Variants in OAS1 observed in about 807,000 individuals in gnomAD.
The protein encoded by OAS1 is 2'-5'-oligoadenylate synthetase 1.
Under a neutral mutation model 38.5 loss-of-function variants are expected in OAS1, and 24 were observed. The observed-to-expected ratio is 0.62, with a 90% confidence interval of 0.45 to 0.88. OAS1 has a LOEUF of 0.88. OAS1 is among the 40% of genes least tolerant of loss of function. The pLI is 0.00. For missense variants in OAS1, 482 were observed against 493.9 expected, an observed-to-expected ratio of 0.98 and a Z score of 0.23; for synonymous variants, 169 against 193.9, an observed-to-expected ratio of 0.87 and a Z score of 1.07.
Position 112,925,740 on chromosome 12 carries a change from C to T in OAS1, c.1167+6125C>T, listed in dbSNP as rs902377421. Among the ~76,000 whole-genome samples, 3 of 152,170 alleles carry T rather than the reference C, an allele frequency of 2.0e-5. No individual in the cohort carries two copies. The South Asian group carries it at 6.2e-4, about 32-fold the overall frequency. ...AGTCAAGGCTGCAGTGAGCCATGAT[C>T]AAGCCGCTGCACTCCAGCCTGGGCA... On this transcript the variant is annotated intron_variant, in intron 6 of 6. Coordinates refer to the OAS1 transcript ENST00000540589.
At chr12:112,929,077 C>T (rs7135579) in intron 6 of OAS1, among the ~76,000 whole-genome samples, 10,067 of 152,298 alleles carry the variant, frequency 0.066, 461 homozygotes, top group Non-Finnish European at 0.11. Context: ...CTCTTTGCTG[C>T]CAGAGGGCCC....
chr12:112,930,821 G>C (rs1205316716), intron 6 of OAS1, among the ~76,000 whole-genome samples: 1 of 152,208 alleles, frequency 6.6e-6, no homozygotes. Flanking sequence ...ACGCTCCCCT[G>C]GGGGTGTCCC....
chr12:112,919,889 A>G lies in OAS1; in HGVS notation c.*336A>G, dbSNP rs1358750684. 11 of 707,798 alleles carry G rather than the reference A, an allele frequency of 1.6e-5. No individual in the cohort carries two copies. Among genetic ancestry groups the G allele is most frequent in the Non-Finnish European group, 2.2e-6 (1 of 449,556 alleles). The allele number at this position is 707,798 out of a possible 1,614,324, so 43.8% of individuals were successfully genotyped here. On this transcript the variant is annotated 3_prime_UTR_variant, in exon 6 of 6. Transcript: ENST00000202917. ...TAATGTATTATCAATAACAATAAAA[A>G]TAAAGCAAATACCATTTATTGGGTG...
downstream of OAS1, among the ~76,000 whole-genome samples, chr12:112,924,797 G>GA (rs527392783): frequency 4.2e-4 from 63 of 148,754 alleles, 1 homozygote; most frequent in South Asian, 6.5e-3. Context: ...TTCTTGCACA[G>GA]AAAAAAAAAA....
At chr12:112,919,908 T>A (rs2043518681), downstream of OAS1, 1 of 628,300 alleles carries the variant, frequency 1.6e-6, no homozygotes, top group East Asian at 3.0e-5. Flanking sequence ...ATACCATTTA[T>A]TGGGTGTTTA....
downstream of OAS1, among the ~76,000 whole-genome samples, chr12:112,923,747 T>C (rs567090498): frequency 6.6e-6 from 1 of 152,340 alleles, no homozygotes; most frequent in African/African-American, 2.4e-5. Flanking sequence ...TTTGCTTTTG[T>C]TGCCTGTGCT....
At chr12:112,918,523 G>A in intron 5 of OAS1, 1 of 381,084 alleles carries the variant, frequency 2.6e-6, no homozygotes, top group Non-Finnish European at 5.4e-6. Context: ...GGATTGCTGG[G>A]TTGAATGGAC....
chr12:112,932,896 A>C (rs914901389), downstream of OAS1: 2 of 152,238 alleles, frequency 1.3e-5, no homozygotes, highest in African/African-American at 4.8e-5. Context: ...CTCCACAGGC[A>C]CACATTCCAC....
At chr12:112,926,447 G>C (rs1287316427) in intron 6 of OAS1, among the ~76,000 whole-genome samples, 1 of 152,184 alleles carries the variant, frequency 6.6e-6, no homozygotes, top group East Asian at 1.9e-4. Context: ...AAGGGAAAGA[G>C]TACAAAAGAG....
chr12:112,909,050 C>T, intron 2 of OAS1: 1 of 478,752 alleles, frequency 2.1e-6, no homozygotes, highest in South Asian at 5.4e-5. Flanking sequence ...TACAGAACAT[C>T]TGCAAGGCTT....
chr12:112,917,531 A>C lies in OAS1; in HGVS notation c.885-16A>C, dbSNP rs764040634. The C allele has an allele frequency of 6.2e-7, 1 of 1,613,770 alleles. No individual in the cohort carries two copies. The highest frequency in any genetic ancestry group is 1.1e-5 in the South Asian group (1 of 91,050). On this transcript the variant is annotated splice_polypyrimidine_tract_variant and intron_variant, in intron 4 of 5. Coordinates refer to ENST00000202917, the MANE Select transcript of OAS1 (RefSeq NM_016816.4). ...CCCAGCTTCTCACCTGTCCCTCTCTAAATGCTGCTCTGCAGGCCTGTGATC... is the reference window on the plus strand; with the variant it reads ...CCCAGCTTCTCACCTGTCCCTCTCTCAATGCTGCTCTGCAGGCCTGTGATC...
chr12:112,925,192 T>G (rs4766664), intron 6 of OAS1, among the ~76,000 whole-genome samples: 113,104 of 152,104 alleles, frequency 0.74, 43,358 homozygotes, highest in African/African-American at 0.94. Flanking sequence ...GGGTGAACTC[T>G]GCACGCTCAG....
At position 112,911,169 on chromosome 12, in the gene OAS1, C is replaced by A. The variant is rs1324072019; in HGVS notation, c.588C>A (p.Asp196Glu). 1 of 1,613,936 alleles carries A rather than the reference C, an allele frequency of 6.2e-7. No homozygotes were observed. Among genetic ancestry groups the A allele is most frequent in the African/African-American group, 1.3e-5 (1 of 74,864 alleles). Residue 196 changes from aspartate to glutamate, a missense_variant, in exon 3 of 6, where the codon GAC becomes GAA. Physicochemically the swap from Asp to Glu is conservative, Grantham distance 45. Transcript: ENST00000202917. ...CCTGCTTCACAGAACTACAGAGAGACTTCCTGAAGCAGCGCCCCACCAAGC... is the reference window on the plus strand; with the variant it reads ...CCTGCTTCACAGAACTACAGAGAGAATTCCTGAAGCAGCGCCCCACCAAGC... ...FSTCFTELQR[D>E]FLKQRPTKLK... is the part of the protein sequence containing the mutation.
chr12:112,921,756 G>C (rs529130992), downstream of OAS1, among the ~76,000 whole-genome samples: 1 of 152,112 alleles, frequency 6.6e-6, no homozygotes, highest in Non-Finnish European at 1.5e-5. Flanking sequence ...TTAATAAAAG[G>C]GTGCTAATTT....
intron 1 of OAS1, chr12:112,907,808 A>G (rs2043316937): frequency 6.6e-6 from 1 of 152,476 alleles, no homozygotes. Context: ...GCTTGGAGCA[A>G]AAGTTCAGTA....
intron 6 of OAS1, among the ~76,000 whole-genome samples, chr12:112,930,841 C>T (rs1565969450): frequency 6.6e-6 from 1 of 152,264 alleles, no homozygotes; most frequent in African/African-American, 2.4e-5. Flanking sequence ...CACACCCTGA[C>T]GTCACACATT....
chr12:112,908,936 A>C, intron 2 of OAS1, 112 bp downstream of exon 2: 2 of 1,170,928 alleles, frequency 1.7e-6, no homozygotes, highest in Non-Finnish European at 2.4e-6. Context: ...GGGTGGGAGG[A>C]GATCTTAGGA....
chr12:112,908,864 C>G (rs377392276), intron 2 of OAS1, 40 bp downstream of exon 2: 2 of 1,533,914 alleles, frequency 1.3e-6, no homozygotes, highest in African/African-American at 2.8e-5. Context: ...CTTCCCATTT[C>G]TGAGCAGAAA....
intron 2 of OAS1, among the ~76,000 whole-genome samples, chr12:112,909,378 G>A (rs746914692): frequency 6.6e-6 from 1 of 152,192 alleles, no homozygotes; most frequent in Non-Finnish European, 1.5e-5. Flanking sequence ...GGAACTTCCA[G>A]CCAAGTGTGG....
Sources: gnomAD v4.1 joint callset for allele counts (sites outside exome capture counted in the v4.1 genomes callset) on GRCh38, gnomAD v4.1.1 for gene constraint, MANE v1.5 for transcripts, NCBI Gene and HGNC (gene_info 2026-07-23, HGNC 2026-07-21) for gene names.